RABGAP1L: variants seen among roughly 807,000 people sequenced by gnomAD.
RABGAP1L encodes the protein rab GTPase-activating protein 1-like.
A neutral mutation model predicts 137.7 loss-of-function variants in RABGAP1L; 63 were observed. The ratio of observed to expected loss-of-function variants is 0.46; its 90% CI spans 0.37 to 0.56. RABGAP1L has a LOEUF of 0.56. Ranked by LOEUF, RABGAP1L falls within the 20% of genes least tolerant of loss-of-function variation. RABGAP1L has a pLI of 0.00. For synonymous variants in RABGAP1L, 431 were observed against 433.7 expected (o/e 0.99, Z 0.08); for missense variants, 1,095 against 1,244.0 (o/e 0.88, Z 1.80).
rs1672147314 is a variant in RABGAP1L, at chr1:174,992,760, C to T, written c.*2759C>T. On this transcript the variant is annotated 3_prime_UTR_variant, in exon 26 of 26. Transcript: ENST00000681986. ...TCCTTCACTGTCTATTGTTGGAAAA[C>T]TCATGCATCCCAGCATGAAGTAACT... 6.6e-6 allele frequency: 1 copy of T among 152,132 alleles called. No homozygotes were observed. Among genetic ancestry groups the T allele is most frequent in the African/African-American group, 2.4e-5 (1 of 41,412 alleles). 9.4% of individuals were successfully genotyped at this position (152,132 alleles called of 1,614,324 possible).
At chr1:174,835,867 A>C (rs896511693) in intron 19 of RABGAP1L, among the ~76,000 whole-genome samples, 2 of 152,178 alleles carry the variant, frequency 1.3e-5, no homozygotes, top group African/African-American at 4.8e-5. Context: ...AAAATTCCTT[A>C]TGCAGCTTTC....
chr1:174,753,058 C>G (rs2148679122), intron 18 of RABGAP1L, among the ~76,000 whole-genome samples: 2 of 152,292 alleles, frequency 1.3e-5, no homozygotes, highest in Middle Eastern at 6.8e-3. Flanking sequence ...AATGGCAGAC[C>G]TGGACTCAGA....
At chr1:174,803,255 A>G (rs1313453572) in intron 18 of RABGAP1L, among the ~76,000 whole-genome samples, 1 of 152,200 alleles carries the variant, frequency 6.6e-6, no homozygotes, top group Non-Finnish European at 1.5e-5. Context: ...TAGAGGATGC[A>G]CATTTGGAAT....
intron 13 of RABGAP1L, among the ~76,000 whole-genome samples, chr1:174,573,433 T>G (rs534266789): frequency 6.6e-6 from 1 of 152,248 alleles, no homozygotes; most frequent in East Asian, 1.9e-4. Flanking sequence ...TTTTCTGGTT[T>G]TGATATTTGT....
chr1:174,699,483 A>T, intron 15 of RABGAP1L, 42 bp from the exon 16 acceptor site: 1 of 1,562,470 alleles, frequency 6.4e-7, no homozygotes, highest in South Asian at 1.2e-5. Context: ...TTCTGGCAAA[A>T]TGCCACTTAT....
chr1:174,491,718 C>T (rs1660254259), intron 13 of RABGAP1L, among the ~76,000 whole-genome samples: 1 of 152,168 alleles, frequency 6.6e-6, no homozygotes, highest in African/African-American at 2.4e-5. Flanking sequence ...CAGAGCACTC[C>T]ATCCTGCAGT....
intron 4 of RABGAP1L, among the ~76,000 whole-genome samples, chr1:174,237,942 C>T (rs1054370729): frequency 6.6e-6 from 1 of 150,404 alleles, no homozygotes; most frequent in African/African-American, 2.4e-5. Flanking sequence ...TCACGTAGTC[C>T]CATATTTCTT....
At chr1:174,217,273 T>C (rs1040816942) in intron 1 of RABGAP1L, among the ~76,000 whole-genome samples, 2 of 152,184 alleles carry the variant, frequency 1.3e-5, no homozygotes, top group Admixed American at 1.3e-4. Flanking sequence ...TCATTTAAGA[T>C]ACGATAAGAC....
At chr1:174,362,374 C>G (rs1684222900) in intron 11 of RABGAP1L, among the ~76,000 whole-genome samples, 1 of 152,170 alleles carries the variant, frequency 6.6e-6, no homozygotes, top group Non-Finnish European at 1.5e-5. Flanking sequence ...TCCACAAAGG[C>G]AGAACTAACT....
At chr1:174,652,972 C>T (rs755661543) in intron 14 of RABGAP1L, among the ~76,000 whole-genome samples, 12 of 152,192 alleles carry the variant, frequency 7.9e-5, no homozygotes, top group Non-Finnish European at 1.3e-4. Flanking sequence ...GGGGCTGCTG[C>T]CTTTCTTTCA....
In RABGAP1L at chr1:174,646,989, T is replaced by G. The variant is rs563319835; in HGVS notation, c.1824+9501T>G. On this transcript the variant is annotated intron_variant, in intron 14 of 25. Transcript: ENST00000681986. ...TTTGTAGCAATTGTGAATGGGAGTT[T>G]ACTCATGATTTGGCTGTTTGTCTAT... 3.3e-5 allele frequency among the ~76,000 whole-genome samples: 5 copies of G among 152,142 alleles called. No individual in the cohort carries two copies. The South Asian group carries it at 1.0e-3, about 32-fold the overall frequency.
chr1:174,372,145 A>T (rs753572790), intron 12 of RABGAP1L, among the ~76,000 whole-genome samples: 10 of 152,144 alleles, frequency 6.6e-5, no homozygotes, highest in Admixed American at 1.3e-4. Context: ...AACTTATTTA[A>T]CTCATTAATG....
At chr1:174,928,642 T>C (rs575455535) in intron 19 of RABGAP1L, among the ~76,000 whole-genome samples, 1 of 152,266 alleles carries the variant, frequency 6.6e-6, no homozygotes, top group East Asian at 1.9e-4. Context: ...TGTCTACTGA[T>C]TGAGGGAAAA....
chr1:174,408,312 T>C (rs1649514180), intron 13 of RABGAP1L, among the ~76,000 whole-genome samples: 1 of 152,168 alleles, frequency 6.6e-6, no homozygotes, highest in Non-Finnish European at 1.5e-5. Flanking sequence ...TGAGAACATG[T>C]GGTACTTGGT....
chr1:174,685,592 C>T lies in RABGAP1L; in HGVS notation c.1899+1996C>T, dbSNP rs1225237228. ...ATTTATTTATTTATTTAGATGAAGT[C>T]TACCTCTGTCTTTCAGGCTGGAGTG... On this transcript the variant is annotated intron_variant, in intron 15 of 25. Coordinates refer to ENST00000681986, the MANE Select transcript of RABGAP1L (RefSeq NM_001366446.1). Among the ~76,000 whole-genome samples, 2 of 113,844 alleles carry T rather than the reference C, an allele frequency of 1.8e-5. 1 individual carries two copies. The highest frequency in any genetic ancestry group is 5.2e-4 in the South Asian group (2 of 3,834). The allele number at this position is 113,844 out of a possible 152,430, so 74.7% of individuals were successfully genotyped here.
chr1:174,715,596 G>A (rs1184799442), intron 17 of RABGAP1L, among the ~76,000 whole-genome samples: 1 of 152,176 alleles, frequency 6.6e-6, no homozygotes, highest in African/African-American at 2.4e-5. Context: ...CCCTCATACA[G>A]TTGCCCAATT....
chr1:174,206,033 C>G (rs757405499), intron 1 of RABGAP1L, among the ~76,000 whole-genome samples: 17 of 152,172 alleles, frequency 1.1e-4, no homozygotes, highest in Admixed American at 1.3e-4. Context: ...TTACTTTTCT[C>G]TCTCACTGCA....
intron 1 of RABGAP1L, among the ~76,000 whole-genome samples, chr1:174,201,803 C>G (rs1040868154): frequency 9.8e-6 from 1 of 101,990 alleles, no homozygotes; most frequent in Non-Finnish European, 1.9e-5. Flanking sequence ...CCTCCCCCCT[C>G]CCCCCACCCC....
intron 11 of RABGAP1L, among the ~76,000 whole-genome samples, chr1:174,349,918 C>A (rs1179933549): frequency 6.9e-5 from 10 of 144,386 alleles, no homozygotes; most frequent in Admixed American, 6.8e-4. Flanking sequence ...GCTGACCCCC[C>A]CCCACCTCCC....
Sources: allele counts gnomAD v4.1 joint callset (sites outside exome capture counted in the v4.1 genomes callset), GRCh38; gene constraint gnomAD v4.1.1; transcripts MANE v1.5; gene names NCBI Gene and HGNC (gene_info 2026-07-23, HGNC 2026-07-21).